LEKR1: variants seen among roughly 807,000 people sequenced by gnomAD.
LEKR1 encodes protein LEKR1.
In LEKR1, 59 loss-of-function variants were observed where a neutral mutation model predicts 72.4. The ratio of observed to expected loss-of-function variants is 0.82; its 90% CI spans 0.66 to 1.01. LEKR1 has a LOEUF of 1.01. Among genes scored for constraint, LEKR1 ranks in the 50% least tolerant of loss-of-function variants. The pLI, the probability that LEKR1 is intolerant of heterozygous loss-of-function variation, is 0.00. For synonymous variants in LEKR1, 257 were observed against 263.2 expected (o/e 0.98, Z 0.23); for missense variants, 728 against 759.2 (o/e 0.96, Z 0.48).
chr3:156,869,749 G>A (rs1037522765), intron 3 of LEKR1, among the ~76,000 whole-genome samples: 2 of 144,786 alleles, frequency 1.4e-5, no homozygotes, highest in Non-Finnish European at 3.0e-5. Context: ...TGTTTTCTGT[G>A]CTTTTGAGGT....
chr3:157,030,061 A>G (rs1444212524), intron 12 of LEKR1, among the ~76,000 whole-genome samples: 1 of 152,186 alleles, frequency 6.6e-6, no homozygotes, highest in Non-Finnish European at 1.5e-5. Context: ...GCTGAACAGG[A>G]AGCATAGTTC....
At chr3:157,006,919 C>T (rs372304831) in intron 9 of LEKR1, among the ~76,000 whole-genome samples, 1 of 151,816 alleles carries the variant, frequency 6.6e-6, no homozygotes. Flanking sequence ...TACAAAGAGG[C>T]GGATGGGCAC....
intron 6 of LEKR1, among the ~76,000 whole-genome samples, chr3:156,949,538 G>A (rs1726974773): frequency 6.6e-6 from 1 of 151,380 alleles, no homozygotes; most frequent in Non-Finnish European, 1.5e-5. Flanking sequence ...TTTCGTACCA[G>A]TACCATGCTG....
At chr3:156,943,305 T>C (rs893215089) in intron 6 of LEKR1, among the ~76,000 whole-genome samples, 119 of 151,974 alleles carry the variant, frequency 7.8e-4, no homozygotes, top group African/African-American at 2.0e-3. Flanking sequence ...TGGAGTCAAG[T>C]AGCCATTTTG....
At chr3:156,871,105 C>G (rs567683609) in intron 3 of LEKR1, among the ~76,000 whole-genome samples, 3 of 151,984 alleles carry the variant, frequency 2.0e-5, no homozygotes, top group African/African-American at 2.4e-5. Flanking sequence ...ATCTCTCCCC[C>G]CTCCCCCCAA....
intron 3 of LEKR1, 143 bp downstream of exon 3, chr3:156,853,125 A>G (rs988658951): frequency 5.1e-6 from 2 of 389,780 alleles, no homozygotes; most frequent in East Asian, 7.6e-5. Flanking sequence ...TTATATTAAT[A>G]ATTACTAAAT....
At chr3:156,984,680 A>C (rs1730524982) in intron 7 of LEKR1, among the ~76,000 whole-genome samples, 1 of 152,136 alleles carries the variant, frequency 6.6e-6, no homozygotes, top group African/African-American at 2.4e-5. Flanking sequence ...CGGTCTCAAA[A>C]AAAATTTTAA....
At chr3:156,877,425 G>C (rs1328122766) in intron 3 of LEKR1, among the ~76,000 whole-genome samples, 1 of 152,122 alleles carries the variant, frequency 6.6e-6, no homozygotes. Flanking sequence ...AGAGAATTCA[G>C]CTGTGAACCC....
chr3:156,956,667 CAA>C (rs1179915222), intron 6 of LEKR1, among the ~76,000 whole-genome samples: 1 of 151,936 alleles, frequency 6.6e-6, no homozygotes, highest in Non-Finnish European at 1.5e-5. Context: ...TTAAAAATTG[CAA>C]AGAGTAACAC....
At chr3:156,855,218 A>G (rs1715908526) in intron 3 of LEKR1, among the ~76,000 whole-genome samples, 1 of 152,224 alleles carries the variant, frequency 6.6e-6, no homozygotes, top group Admixed American at 6.5e-5. Context: ...TTTGATGGGT[A>G]TTATACCAAG....
chr3:156,898,020 G>T (rs1721376802), intron 3 of LEKR1, among the ~76,000 whole-genome samples: 1 of 151,666 alleles, frequency 6.6e-6, no homozygotes, highest in Non-Finnish European at 1.5e-5. Context: ...GCTGCCTTTA[G>T]AGACAATAGG....
At chr3:156,949,378 A>G (rs1379148775) in intron 6 of LEKR1, among the ~76,000 whole-genome samples, 1 of 151,658 alleles carries the variant, frequency 6.6e-6, no homozygotes, top group African/African-American at 2.4e-5. Context: ...TATTCTGCAT[A>G]TGGCTAGCCA....
At chr3:156,850,681 G>A (rs548750221) in intron 2 of LEKR1, among the ~76,000 whole-genome samples, 2 of 152,240 alleles carry the variant, frequency 1.3e-5, no homozygotes, top group Admixed American at 1.3e-4. Context: ...ACAATTACAG[G>A]CCCAGTTGGC....
At chr3:156,875,926 C>CAGA (rs1441431291) in intron 3 of LEKR1, among the ~76,000 whole-genome samples, 4 of 139,790 alleles carry the variant, frequency 2.9e-5, no homozygotes, top group African/African-American at 1.1e-4. Flanking sequence ...ACCCGGGGGG[C>CAGA]AGAGCCTGCA....
At chr3:156,977,353 A>G (rs910003507) in intron 6 of LEKR1, among the ~76,000 whole-genome samples, 7 of 152,232 alleles carry the variant, frequency 4.6e-5, no homozygotes, top group Non-Finnish European at 2.9e-5. Flanking sequence ...ATTGAATCAT[A>G]TAAGAAGCCT....
intron 6 of LEKR1, among the ~76,000 whole-genome samples, chr3:156,975,560 A>T (rs1174814156): frequency 6.6e-6 from 1 of 152,180 alleles, no homozygotes; most frequent in Admixed American, 6.6e-5. Context: ...AGCCTATAAA[A>T]TAGCTAATTA....
chr3:156,834,291 A>G (rs951129072), intron 2 of LEKR1, among the ~76,000 whole-genome samples: 4 of 152,192 alleles, frequency 2.6e-5, no homozygotes, highest in African/African-American at 9.6e-5. Flanking sequence ...AAACTAAATA[A>G]TCCCGTTCAA....
intron 3 of LEKR1, among the ~76,000 whole-genome samples, chr3:156,872,232 A>T (rs1718039338): frequency 6.6e-6 from 1 of 151,446 alleles, no homozygotes; most frequent in Non-Finnish European, 1.5e-5. Context: ...GTTGGTGTTT[A>T]TAGTTGTTTA....
chr3:157,040,340 C>T (rs1735259520), intron 12 of LEKR1, among the ~76,000 whole-genome samples: 1 of 152,158 alleles, frequency 6.6e-6, no homozygotes, highest in Non-Finnish European at 1.5e-5. Flanking sequence ...GATTATTGCC[C>T]TCTGTTGCTA....
Sources: allele counts gnomAD v4.1 joint callset (sites outside exome capture counted in the v4.1 genomes callset), GRCh38; gene constraint gnomAD v4.1.1; transcripts MANE v1.5; gene names NCBI Gene and HGNC (gene_info 2026-07-23, HGNC 2026-07-21).